PXK: variants seen among roughly 807,000 people sequenced by gnomAD.
PXK encodes the protein PX domain containing serine/threonine kinase like, also known as PX domain-containing protein kinase-like protein.
PXK carries 35 observed loss-of-function variants against 84.7 expected under a neutral mutation model. The ratio of observed to expected loss-of-function variants is 0.41; its 90% CI spans 0.32 to 0.55. The LOEUF is 0.55. PXK is among the 20% of genes least tolerant of loss of function. The pLI is 0.21. For synonymous variants in PXK, 253 were observed against 260.8 expected, an observed-to-expected ratio of 0.97 and a Z score of 0.29; for missense variants, 634 against 699.7, an observed-to-expected ratio of 0.91 and a Z score of 1.06.
intron 2 of PXK, among the ~76,000 whole-genome samples, chr3:58,366,631 C>G (rs2098276424): frequency 6.6e-6 from 1 of 152,170 alleles, no homozygotes; most frequent in South Asian, 2.1e-4. Flanking sequence ...AACCTTCTAC[C>G]TTAAGCAGCC....
intron 1 of PXK, among the ~76,000 whole-genome samples, chr3:58,359,623 G>A (rs2098146507): frequency 1.3e-5 from 2 of 151,570 alleles, no homozygotes; most frequent in Admixed American, 6.6e-5. Flanking sequence ...TTTCCCTCTA[G>A]ACATAAAAAA....
At chr3:58,366,591 C>T (rs1445685613) in intron 2 of PXK, among the ~76,000 whole-genome samples, 1 of 152,202 alleles carries the variant, frequency 6.6e-6, no homozygotes, top group Non-Finnish European at 1.5e-5. Flanking sequence ...AAAAATCTTA[C>T]CTTCTCCTTC....
chr3:58,348,405 T>G (rs563378692), intron 1 of PXK, among the ~76,000 whole-genome samples: 40 of 152,310 alleles, frequency 2.6e-4, no homozygotes, highest in African/African-American at 9.4e-4. Flanking sequence ...TCTTCCATTC[T>G]GGCTGCATAG....
At chr3:58,393,914 G>A (rs1434745115) in intron 7 of PXK, among the ~76,000 whole-genome samples, 1 of 152,096 alleles carries the variant, frequency 6.6e-6, no homozygotes, top group Non-Finnish European at 1.5e-5. Flanking sequence ...TGTACTCAAG[G>A]ATTTTTATTC....
At chr3:58,336,984 A>G (rs150412441) in intron 1 of PXK, among the ~76,000 whole-genome samples, 6,984 of 151,744 alleles carry the variant, frequency 0.046, 562 homozygotes, top group African/African-American at 0.16. Context: ...TAATTTTTGT[A>G]TTTTTAGTAG....
At chr3:58,389,075 T>A (rs1033467464) in intron 4 of PXK, among the ~76,000 whole-genome samples, 1 of 152,162 alleles carries the variant, frequency 6.6e-6, no homozygotes, top group African/African-American at 2.4e-5. Context: ...TTTCATAATT[T>A]CTTAATGCAA....
Position 58,332,954 on chromosome 3 carries a change from C to A in PXK, c.-35C>A. On this transcript the variant is annotated 5_prime_UTR_variant, in exon 1 of 18. Transcript: ENST00000356151. The surrounding 1 kb of genome is among the most constrained non-coding windows in gnomAD (Gnocchi z 5.6). ...GAGTCGGCGCCTCGGGTTCCTACCT[C>A]GCGTCCCTAGGCGGCGGCGGCCGGG... 7.6e-7 allele frequency: 1 copy of A among 1,310,206 alleles called. No homozygotes were observed. 81.2% of individuals were successfully genotyped at this position (1,310,206 alleles called of 1,614,324 possible).
intron 4 of PXK, among the ~76,000 whole-genome samples, chr3:58,388,160 TA>T (rs2098580151): frequency 6.6e-6 from 1 of 152,196 alleles, no homozygotes; most frequent in Non-Finnish European, 1.5e-5. Flanking sequence ...TATTTGACAG[TA>T]AATCACAGTT....
In PXK at chr3:58,409,189, C is replaced by G. The variant is rs2059824376; in HGVS notation, c.1308+188C>G. ...AGTCCTGCCCTCAGTCCTGCCTAGT[C>G]TATGTGGGAAACAAACATGTCCAGG... On this transcript the variant is annotated intron_variant, in intron 14 of 17. Coordinates refer to ENST00000356151, the MANE Select transcript of PXK (RefSeq NM_017771.5). This position sits in a 1 kb window ranked among gnomAD's most constrained non-coding sequence, Gnocchi z 4.2. Among the ~76,000 whole-genome samples the G allele has an allele frequency of 6.6e-6, 1 of 152,218 alleles. No homozygotes were observed. Among genetic ancestry groups the G allele is most frequent in the Non-Finnish European group, 1.5e-5 (1 of 68,038 alleles).
At chr3:58,347,491 A>C (rs1458986716) in intron 1 of PXK, among the ~76,000 whole-genome samples, 2 of 152,168 alleles carry the variant, frequency 1.3e-5, no homozygotes, top group African/African-American at 2.4e-5. Context: ...ATCTTATACA[A>C]TATAGTCTTT....
At position 58,370,925 on chromosome 3, in the gene PXK, G is replaced by A. The variant is rs2098360250; in HGVS notation, c.201+1447G>A. Among the ~76,000 whole-genome samples, 1 of 152,234 alleles carries A rather than the reference G, an allele frequency of 6.6e-6. No individual in the cohort carries two copies. Among genetic ancestry groups the A allele is most frequent in the Non-Finnish European group, 1.5e-5 (1 of 68,048 alleles). On this transcript the variant is annotated intron_variant, in intron 3 of 17. Transcript: ENST00000356151. The surrounding 1 kb of genome is among the most constrained non-coding windows in gnomAD (Gnocchi z 4.2). ...AGGCAGGAGAACCGCCTGAACCCAG[G>A]AGGGGGAGGTTGCAGTGAGCCAAGA...
chr3:58,336,071 A>ATATATTTT (rs1284780630), intron 1 of PXK, among the ~76,000 whole-genome samples: 2 of 51,584 alleles, frequency 3.9e-5, no homozygotes, highest in East Asian at 4.7e-4. Flanking sequence ...ATATATATAT[A>ATATATTTT]TTTTTTTTTT....
Position 58,398,497 on chromosome 3 carries a change from G to A in PXK, c.1102+775G>A, listed in dbSNP as rs1169560353. 1.3e-5 allele frequency among the ~76,000 whole-genome samples: 2 copies of A among 152,208 alleles called. No homozygotes were observed. The highest frequency in any genetic ancestry group is 4.8e-5 in the African/African-American group (2 of 41,458). ...GCCCAGACCTAGGGCAGGCAGGCAG[G>A]AATGCAGACACCAAGACAAATTGGA... On this transcript the variant is annotated intron_variant, in intron 11 of 17. Transcript: ENST00000356151. The surrounding 1 kb of genome is among the most constrained non-coding windows in gnomAD (Gnocchi z 4.5).
chr3:58,389,586 G>A (rs143759642), intron 4 of PXK, among the ~76,000 whole-genome samples: 1 of 152,198 alleles, frequency 6.6e-6, no homozygotes, highest in East Asian at 1.9e-4. Flanking sequence ...ACTTTGGGAG[G>A]TCGAGATGGG....
Position 58,333,621 on chromosome 3 carries a change from C to T in PXK, c.102+531C>T, listed in dbSNP as rs1256773313. 1 of 456,660 alleles carries T rather than the reference C, an allele frequency of 2.2e-6. No individual in the cohort carries two copies. Among genetic ancestry groups the T allele is most frequent in the Non-Finnish European group, 4.4e-6 (1 of 226,942 alleles). 28.3% of individuals were successfully genotyped at this position (456,660 alleles called of 1,614,324 possible). On this transcript the variant is annotated intron_variant, in intron 1 of 17. Coordinates refer to ENST00000356151, the MANE Select transcript of PXK (RefSeq NM_017771.5). This position sits in a 1 kb window ranked among gnomAD's most constrained non-coding sequence, Gnocchi z 5.4. Reference sequence around the variant, plus strand: ...GTGGCTGGGGTCTGCAGCCCCGTTTCCAGGTCAGCCGCTTGGCCCTGGTCC... The same window carrying T: ...GTGGCTGGGGTCTGCAGCCCCGTTTTCAGGTCAGCCGCTTGGCCCTGGTCC...
rs777487037 is a variant in PXK at position 58,412,938 on chromosome 3, A to G, written c.1503A>G (p.Ser501=). Residue 501 remains serine, a synonymous_variant, in exon 17 of 18, where the codon TCA becomes TCG. Coordinates refer to ENST00000356151, the MANE Select transcript of PXK (RefSeq NM_017771.5). The surrounding 1 kb of genome is among the most constrained non-coding windows in gnomAD (Gnocchi z 6.2). ...CCAGCTCACCTCTCACGTCCCCGTC[A>G]TCGCCAACTCCACCCTCTACATCAG... The part of the protein sequence containing the change: ...SGASSPLTSP[S]SPTPPSTSGI... 3 of 1,614,168 alleles carry G rather than the reference A, an allele frequency of 1.9e-6. No individual in the cohort carries two copies. The highest frequency in any genetic ancestry group is 3.3e-5 in the Admixed American group (2 of 60,014).
chr3:58,395,030 A>G lies in PXK; in HGVS notation c.648A>G (p.Thr216=), dbSNP rs2057420366. The part of the protein sequence containing the change: ...HPYIYRVTFA[T]ANESSALLIR... ...ACATCTATCGGGTTACCTTTGCCAC[A>G]GCTAATGAATCCTCAGCGTTGCTAA... The change falls in exon 8 of 18, where the codon ACA becomes ACG. Residue 216 remains threonine, a synonymous_variant. Transcript: ENST00000356151. 1.1e-5 allele frequency: 17 copies of G among 1,613,586 alleles called. No homozygotes were observed. The highest frequency in any genetic ancestry group is 1.4e-5 in the Non-Finnish European group (16 of 1,179,606).
intron 1 of PXK, among the ~76,000 whole-genome samples, chr3:58,362,340 AT>A (rs1241382136): frequency 4.6e-5 from 7 of 152,070 alleles, no homozygotes; most frequent in African/African-American, 1.7e-4. Context: ...TACATTTTAC[AT>A]TTAAGTACAT....
At chr3:58,344,630 C>T (rs2097786429) in intron 1 of PXK, among the ~76,000 whole-genome samples, 1 of 152,170 alleles carries the variant, frequency 6.6e-6, no homozygotes, top group South Asian at 2.1e-4. Context: ...TCGAGACCAG[C>T]CTGGCCAACA....
Sources: gnomAD v4.1 joint callset for allele counts (sites outside exome capture counted in the v4.1 genomes callset) on GRCh38, gnomAD v4.1.1 for gene constraint, Gnocchi (gnomAD v3.1) non-coding constraint, MANE v1.5 for transcripts, NCBI Gene and HGNC (gene_info 2026-07-23, HGNC 2026-07-21) for gene names.